The following FAM135A variants were observed in gnomAD, a reference collection of about 807,000 sequenced individuals.
The protein encoded by FAM135A is protein FAM135A.
A neutral mutation model predicts 146.8 loss-of-function variants in FAM135A; 79 were observed. The ratio of observed to expected loss-of-function variants is 0.54; its 90% CI spans 0.45 to 0.65. FAM135A has a LOEUF of 0.65. Among genes scored for constraint, FAM135A ranks in the 30% least tolerant of loss-of-function variants. FAM135A has a pLI of 0.00. For synonymous variants in FAM135A, 562 were observed against 603.6 expected (o/e 0.93, Z 1.01); for missense variants, 1,623 against 1,758.2 (o/e 0.92, Z 1.38).
rs1350337594 is a variant in FAM135A, at chr6:70,491,072, G to A, written c.862G>A (p.Glu288Lys). 1 of 1,603,442 alleles carries A rather than the reference G, an allele frequency of 6.2e-7. No individual in the cohort carries two copies. The highest frequency in any genetic ancestry group is 1.7e-5 in the Admixed American group (1 of 58,780). The change falls in exon 11 of 22, where the codon GAA becomes AAA. Residue 288 changes from glutamate to lysine, a missense_variant. Physicochemically the swap from Glu to Lys is moderately conservative, Grantham distance 56 (BLOSUM62 1). This residue lies in a region of FAM135A where 206 missense variants were observed against 194.7 expected (regional missense o/e 1.06). Coordinates refer to ENST00000418814, the MANE Select transcript of FAM135A (RefSeq NM_001162529.3). ...AGAAGCTCGACTTACTGAACTATGTGAAGAAGTTAAGGTACTTGGATTTTT... is the reference window on the plus strand; with the variant it reads ...AGAAGCTCGACTTACTGAACTATGTAAAGAAGTTAAGGTACTTGGATTTTT... ...DVEARLTELC[E>K]EVKKIENPDE...
Position 70,560,069 on chromosome 6 carries a change from C to G in FAM135A, c.*148C>G, listed in dbSNP as rs115806559. The G allele has an allele frequency of 9.5e-4, 578 of 607,344 alleles. No individual in the cohort carries two copies. Among genetic ancestry groups the G allele is most frequent in the African/African-American group, 9.5e-3 (498 of 52,666 alleles). 37.6% of individuals were successfully genotyped at this position (607,344 alleles called of 1,614,324 possible). A position where few individuals can be genotyped will look rare whatever the true frequency, so the allele number is the denominator to read the frequency against. On this transcript the variant is annotated 3_prime_UTR_variant, in exon 22 of 22. Coordinates refer to ENST00000418814, the MANE Select transcript of FAM135A (RefSeq NM_001162529.3). Reference sequence around the variant, plus strand: ...TAATTTATATCATCCATGTTTAGTGCTTTTTAAACATCAACTTTACTTTCT... The same window carrying G: ...TAATTTATATCATCCATGTTTAGTGGTTTTTAAACATCAACTTTACTTTCT...
intron 5 of FAM135A, among the ~76,000 whole-genome samples, chr6:70,474,236 T>C (rs1226973192): frequency 6.6e-6 from 1 of 152,196 alleles, no homozygotes; most frequent in African/African-American, 2.4e-5. Flanking sequence ...CATTTTGAGC[T>C]CCAAACCCAC....
At chr6:70,490,830 A>G (rs1422313436) in intron 10 of FAM135A, among the ~76,000 whole-genome samples, 3 of 152,032 alleles carry the variant, frequency 2.0e-5, no homozygotes, top group Non-Finnish European at 4.4e-5. Flanking sequence ...TGTGAAAAAT[A>G]AAAAATGATA....
At chr6:70,537,175 C>T (rs1796946867) in intron 19 of FAM135A, among the ~76,000 whole-genome samples, 1 of 152,082 alleles carries the variant, frequency 6.6e-6, no homozygotes, top group Non-Finnish European at 1.5e-5. Flanking sequence ...ACCTCGTGAT[C>T]CGCCCGCCTC....
intron 20 of FAM135A, among the ~76,000 whole-genome samples, chr6:70,540,074 C>G (rs1797584267): frequency 6.6e-6 from 1 of 152,154 alleles, no homozygotes. Flanking sequence ...TCTTAACGTA[C>G]TTAGATCTGG....
At chr6:70,418,882 T>C (rs1768135750) in intron 2 of FAM135A, among the ~76,000 whole-genome samples, 1 of 152,152 alleles carries the variant, frequency 6.6e-6, no homozygotes, top group African/African-American at 2.4e-5. Context: ...CACTGGCTGA[T>C]TGTTTGCAGT....
Position 70,536,240 on chromosome 6 carries a change from A to AT in FAM135A, c.3966-11dup, listed in dbSNP as rs536309606. On this transcript the variant is annotated intron_variant, in intron 18 of 21. Coordinates refer to ENST00000418814, the MANE Select transcript of FAM135A (RefSeq NM_001162529.3). ...TAAAACTAATGCTGTGAGAAAATTA[A>AT]TTTTTTTTTCCTCTTAAAGCTTTAT... 170 of 1,573,688 alleles carry AT rather than the reference A, an allele frequency of 1.1e-4. No individual in the cohort carries two copies. The highest frequency in any genetic ancestry group is 3.0e-4 in the South Asian group (25 of 84,628).
At position 70,464,658 on chromosome 6, in the gene FAM135A, C is replaced by CTTTTTTTTTT. The variant is rs754818109; in HGVS notation, c.158-10744_158-10743insTTTTTTTTTT. On this transcript the variant is annotated intron_variant, in intron 5 of 21. Coordinates refer to ENST00000418814, the MANE Select transcript of FAM135A (RefSeq NM_001162529.3). The stretch of plus-strand genomic sequence containing the variant: ...TTTAAATTTCTTTCTTTCTTTCTTT[C>CTTTTTTTTTT]TTTTTTTTCTTTTTTTTTTTTTTTT... Among the ~76,000 whole-genome samples, 51 of 100,416 alleles carry CTTTTTTTTTT rather than the reference C, an allele frequency of 5.1e-4. 4 individuals carry two copies. The highest frequency in any genetic ancestry group is 1.8e-3 in the African/African-American group (47 of 26,682). The allele number at this position is 100,416 out of a possible 152,430, so 65.9% of individuals were successfully genotyped here. A position where few individuals can be genotyped will look rare whatever the true frequency, so the allele number is the denominator to read the frequency against.
intron 4 of FAM135A, among the ~76,000 whole-genome samples, chr6:70,448,501 G>T (rs1204547019): frequency 6.6e-6 from 1 of 152,004 alleles, no homozygotes; most frequent in Non-Finnish European, 1.5e-5. Context: ...TCCAACCGTC[G>T]CTCCGGTGAC....
At chr6:70,545,873 T>C (rs1403402020) in intron 20 of FAM135A, among the ~76,000 whole-genome samples, 2 of 152,196 alleles carry the variant, frequency 1.3e-5, no homozygotes, top group Non-Finnish European at 2.9e-5. Context: ...CAGTAAGCAT[T>C]CGTGCATGGT....
chr6:70,536,317 G>A lies in FAM135A; in HGVS notation c.4023G>A (p.Arg1341=). The A allele has an allele frequency of 6.2e-7, 1 of 1,613,328 alleles. No individual in the cohort carries two copies. The highest frequency in any genetic ancestry group is 8.5e-7 in the Non-Finnish European group (1 of 1,179,640). ...TTCGTTCAGTGCTTACAAGGCCAAG[G>A]TTTAAATATTACCTCAACAAACTTC... ...LIIRSVLTRP[R]FKYYLNKLHT... Residue 1341 remains arginine, a synonymous_variant, in exon 19 of 22, where the codon AGG becomes AGA. Coordinates refer to ENST00000418814, the MANE Select transcript of FAM135A (RefSeq NM_001162529.3).
chr6:70,423,389 T>C (rs1033256786), intron 2 of FAM135A, among the ~76,000 whole-genome samples: 1 of 152,210 alleles, frequency 6.6e-6, no homozygotes, highest in Non-Finnish European at 1.5e-5. Context: ...GTATAGCTGC[T>C]GTAACAAAGA....
At chr6:70,453,090 G>A (rs1203072946) in intron 5 of FAM135A, among the ~76,000 whole-genome samples, 2 of 152,088 alleles carry the variant, frequency 1.3e-5, no homozygotes, top group African/African-American at 4.8e-5. Context: ...CATTAAAGGG[G>A]TTAAGTTAAA....
chr6:70,484,066 C>T (rs1454393537), intron 10 of FAM135A, among the ~76,000 whole-genome samples: 1 of 152,194 alleles, frequency 6.6e-6, no homozygotes, highest in East Asian at 1.9e-4. Flanking sequence ...TACTTCTTAA[C>T]AGTGTACTTC....
chr6:70,447,470 C>A (rs1158051158), intron 4 of FAM135A, among the ~76,000 whole-genome samples: 4 of 152,204 alleles, frequency 2.6e-5, no homozygotes, highest in African/African-American at 9.7e-5. Context: ...ATCCTGTCGT[C>A]CCCGCTGGCA....
At chr6:70,537,463 C>G (rs1796999764) in intron 19 of FAM135A, among the ~76,000 whole-genome samples, 1 of 152,032 alleles carries the variant, frequency 6.6e-6, no homozygotes, top group Non-Finnish European at 1.5e-5. Context: ...ACAGCCAGTT[C>G]TAGACTTCTA....
At position 70,452,541 on chromosome 6, in the gene FAM135A, A is replaced by G. The variant is rs2128040990; in HGVS notation, c.127A>G (p.Arg43Gly). ...SMKIPSRIPH[R>G]VEASLLHATG... is the part of the protein sequence containing the mutation. ...GAAAATTCCATCAAGAATTCCCCAC[A>G]GAGTAGAAGCTAGTTTGTTGCATGC... The change falls in exon 5 of 22, where the codon AGA (arginine) becomes GGA (glycine). Residue 43 changes from arginine to glycine, a missense_variant. Coordinates refer to ENST00000418814, the MANE Select transcript of FAM135A (RefSeq NM_001162529.3). 1 of 1,597,404 alleles carries G rather than the reference A, an allele frequency of 6.3e-7. No individual in the cohort carries two copies. The highest frequency in any genetic ancestry group is 8.5e-7 in the Non-Finnish European group (1 of 1,175,542).
In FAM135A at chr6:70,463,188, CT is replaced by C. The variant is rs1224361947; in HGVS notation, c.157+10622del. ...TCTCCTCTCTTCTCCTTATTACCTC[CT>C]TTTTAAAACCGTAGGTAACTCCCCT... On this transcript the variant is annotated intron_variant, in intron 5 of 21. Transcript: ENST00000418814. Among the ~76,000 whole-genome samples the C allele has an allele frequency of 2.0e-5, 3 of 152,236 alleles. No individual in the cohort carries two copies. The East Asian group carries it at 5.8e-4, about 29-fold the overall frequency.
chr6:70,514,518 A>T (rs926601947), intron 12 of FAM135A, among the ~76,000 whole-genome samples: 1 of 152,164 alleles, frequency 6.6e-6, no homozygotes, highest in African/African-American at 2.4e-5. Context: ...TAACCAGAAA[A>T]AATCTGAACG....
Sources: gnomAD v4.1 joint callset for allele counts (sites outside exome capture counted in the v4.1 genomes callset) on GRCh38, gnomAD v4.1.1 for gene constraint, gnomAD v4.1.1 regional missense constraint, MANE v1.5 for transcripts, NCBI Gene and HGNC (gene_info 2026-07-23, HGNC 2026-07-21) for gene names.